MAGI2: variants seen among roughly 807,000 people sequenced by gnomAD.
MAGI2 encodes the protein membrane-associated guanylate kinase, WW and PDZ domain-containing protein 2.
MAGI2 carries 35 observed loss-of-function variants against 133.3 expected under a neutral mutation model. The ratio of observed to expected loss-of-function variants is 0.26; its 90% CI spans 0.20 to 0.35. The LOEUF is 0.35. Among genes scored for constraint, MAGI2 ranks in the 10% least tolerant of loss-of-function variants. The pLI, the probability that MAGI2 is intolerant of heterozygous loss-of-function variation, is 1.00. For synonymous variants in MAGI2, 729 were observed against 710.6 expected, an observed-to-expected ratio of 1.03 and a Z score of -0.41; for missense variants, 1,636 against 1,863.4, an observed-to-expected ratio of 0.88 and a Z score of 2.25.
intron 2 of MAGI2, among the ~76,000 whole-genome samples, chr7:78,634,136 TG>T (rs1809370061): frequency 6.6e-6 from 1 of 152,208 alleles, no homozygotes. Flanking sequence ...TGTTTGAGTA[TG>T]AAAAAAACAT....
At position 78,982,895 on chromosome 7, in the gene MAGI2, A is replaced by G. The variant is rs376048419; in HGVS notation, c.418+24195T>C. Among the ~76,000 whole-genome samples, 6 of 151,998 alleles carry G rather than the reference A, an allele frequency of 3.9e-5. No homozygotes were observed. The East Asian group carries it at 9.8e-4, about 25-fold the overall frequency. On this transcript the variant is annotated intron_variant, in intron 2 of 21. Transcript: ENST00000354212. ...CAGTTAATTTGTTCTGTGAAAAAAA[A>G]TTGTTTTAATATGATTATAGGACAG...
intron 21 of MAGI2, among the ~76,000 whole-genome samples, chr7:78,049,275 C>T: frequency 6.6e-6 from 1 of 152,202 alleles, no homozygotes; most frequent in East Asian, 1.9e-4. Flanking sequence ...TTACCAGTCT[C>T]ATTAGTAAAG....
At chr7:78,266,590 T>C (rs1054579079) in intron 9 of MAGI2, among the ~76,000 whole-genome samples, 1 of 151,686 alleles carries the variant, frequency 6.6e-6, no homozygotes, top group African/African-American at 2.4e-5. Flanking sequence ...ATCCCTTTTT[T>C]TTTTTGAGAC....
chr7:78,483,814 AT>A (rs1202564953), intron 6 of MAGI2, among the ~76,000 whole-genome samples: 4 of 151,912 alleles, frequency 2.6e-5, no homozygotes, highest in Non-Finnish European at 5.9e-5. Context: ...TTGAAATTTC[AT>A]TTTTTACAAA....
intron 1 of MAGI2, chr7:79,125,285 A>G (rs1224414102): frequency 2.2e-6 from 1 of 454,772 alleles, no homozygotes; most frequent in South Asian, 1.7e-5. Flanking sequence ...TGCCAAAACA[A>G]GAGATGGCTA....
intron 1 of MAGI2, among the ~76,000 whole-genome samples, chr7:79,349,717 A>G (rs117072405): frequency 5.3e-5 from 8 of 152,154 alleles, no homozygotes; most frequent in East Asian, 1.9e-4. Flanking sequence ...GACCCTTTTC[A>G]TGAAGAATAT....
At chr7:78,367,627 G>T (rs920596397) in intron 7 of MAGI2, among the ~76,000 whole-genome samples, 2 of 152,180 alleles carry the variant, frequency 1.3e-5, no homozygotes, top group Non-Finnish European at 2.9e-5. Flanking sequence ...GGACTAAGGA[G>T]TGGTTCTTTT....
chr7:79,443,285 CGT>C (rs10600873), intron 1 of MAGI2, among the ~76,000 whole-genome samples: 55,375 of 139,272 alleles, frequency 0.4, 11,095 homozygotes, highest in Non-Finnish European at 0.46. Flanking sequence ...TGTGTGTGTG[CGT>C]GTGTGTGTGT....
At chr7:78,497,035 ATTG>A (rs772224966) in intron 5 of MAGI2, among the ~76,000 whole-genome samples, 1 of 152,190 alleles carries the variant, frequency 6.6e-6, no homozygotes. Context: ...CAGATGAACT[ATTG>A]TTGTTAAGGT....
chr7:78,272,656 A>G (rs570746742), intron 9 of MAGI2, among the ~76,000 whole-genome samples: 2 of 152,306 alleles, frequency 1.3e-5, no homozygotes, highest in East Asian at 3.9e-4. Context: ...TAGGACAGTT[A>G]GCTCTTCTTG....
At chr7:78,110,007 C>T (rs75428700) in intron 20 of MAGI2, among the ~76,000 whole-genome samples, 5,764 of 152,178 alleles carry the variant, frequency 0.038, 131 homozygotes, top group East Asian at 0.066. Flanking sequence ...CCTGAGCACG[C>T]CCCCTAGTTA....
At chr7:79,168,831 C>T (rs138220239) in intron 1 of MAGI2, among the ~76,000 whole-genome samples, 111 of 150,002 alleles carry the variant, frequency 7.4e-4, no homozygotes, top group Non-Finnish European at 5.6e-4. Context: ...CTATTAGTGA[C>T]GTTCAGTTTG....
At chr7:78,985,631 C>A (rs1213655753) in intron 2 of MAGI2, among the ~76,000 whole-genome samples, 1 of 151,940 alleles carries the variant, frequency 6.6e-6, no homozygotes, top group East Asian at 1.9e-4. Flanking sequence ...TTAATAGTTT[C>A]TTTACCATGG....
intron 1 of MAGI2, among the ~76,000 whole-genome samples, chr7:79,174,509 T>C (rs879841780): frequency 3.3e-5 from 5 of 151,878 alleles, no homozygotes; most frequent in Admixed American, 6.6e-5. Context: ...ATACCTTTAA[T>C]GTATTAAAGA....
At chr7:79,133,118 T>C (rs543391945) in intron 1 of MAGI2, among the ~76,000 whole-genome samples, 1 of 152,274 alleles carries the variant, frequency 6.6e-6, no homozygotes, top group African/African-American at 2.4e-5. Context: ...CTCTGATTAT[T>C]ATTTCTTTTT....
chr7:78,126,798 A>G (rs1279198493), intron 19 of MAGI2, among the ~76,000 whole-genome samples: 3 of 152,198 alleles, frequency 2.0e-5, no homozygotes, highest in South Asian at 2.1e-4. Context: ...GTAAAAAAAT[A>G]TGGACCTAAA....
chr7:78,856,877 T>C lies in MAGI2; in HGVS notation c.418+150213A>G, dbSNP rs556419709. ...ATTTTCACAATATTGATCCTTCCTA[T>C]CCATGAGCATGGAATGTTCTTCCAT... On this transcript the variant is annotated intron_variant, in intron 2 of 21. Coordinates refer to ENST00000354212, the MANE Select transcript of MAGI2 (RefSeq NM_012301.4). Among the ~76,000 whole-genome samples the C allele has an allele frequency of 1.2e-4, 18 of 152,264 alleles. No homozygotes were observed. In the South Asian group the frequency reaches 1.7e-3, roughly 14 times the overall value.
intron 9 of MAGI2, among the ~76,000 whole-genome samples, chr7:78,337,350 C>T (rs141249463): frequency 6.6e-6 from 1 of 152,242 alleles, no homozygotes; most frequent in African/African-American, 2.4e-5. Context: ...AAAAAGCAGC[C>T]AAAGGCACAC....
At chr7:78,626,000 A>G (rs556922059) in intron 3 of MAGI2, among the ~76,000 whole-genome samples, 2 of 152,292 alleles carry the variant, frequency 1.3e-5, no homozygotes, top group East Asian at 3.9e-4. Context: ...CCTTTCATTA[A>G]GAGACACATG....
Sources: gnomAD v4.1 joint callset for allele counts (sites outside exome capture counted in the v4.1 genomes callset) on GRCh38, gnomAD v4.1.1 for gene constraint, MANE v1.5 for transcripts, NCBI Gene and HGNC (gene_info 2026-07-23, HGNC 2026-07-21) for gene names.